STARD13: variants seen among roughly 807,000 people sequenced by gnomAD.
STARD13 encodes the protein stAR-related lipid transfer protein 13.
Under a neutral mutation model 106.4 loss-of-function variants are expected in STARD13, and 62 were observed. That is an observed-to-expected ratio of 0.58 (90% CI 0.48 to 0.72). The LOEUF (loss-of-function observed/expected upper bound fraction) is 0.72. Ranked by LOEUF, STARD13 falls within the 30% of genes least tolerant of loss-of-function variation. The pLI is 0.00. For synonymous variants in STARD13, 565 were observed against 553.0 expected (o/e 1.02, Z -0.31); for missense variants, 1,387 against 1,424.0 (o/e 0.97, Z 0.42).
At chr13:33,639,565 G>A in the STARD13 span, among the ~76,000 whole-genome samples, 2 of 152,198 alleles carry the variant, frequency 1.3e-5, no homozygotes, top group Non-Finnish European at 2.9e-5. Context: ...TTTCCCTGGT[G>A]TTAAATTATG....
the STARD13 span, among the ~76,000 whole-genome samples, chr13:33,454,490 T>TCACC: frequency 5.9e-5 from 9 of 152,224 alleles, no homozygotes. Context: ...TTTTGCTTTA[T>TCACC]CACCATAGGC....
the STARD13 span, among the ~76,000 whole-genome samples, chr13:33,579,673 T>G: frequency 6.7e-6 from 1 of 149,796 alleles, no homozygotes; most frequent in Non-Finnish European, 1.5e-5. Flanking sequence ...TATAAACATA[T>G]CTGATAAAGG....
chr13:33,406,208 G>C, the STARD13 span, among the ~76,000 whole-genome samples: 3 of 152,252 alleles, frequency 2.0e-5, no homozygotes, highest in East Asian at 1.9e-4. Context: ...GGCTAACAAG[G>C]GCTTTCTAAG....
the STARD13 span, among the ~76,000 whole-genome samples, chr13:33,621,838 C>T: frequency 1.1e-4 from 16 of 150,578 alleles, no homozygotes; most frequent in Non-Finnish European, 1.5e-4. Context: ...AAGTCTCGCT[C>T]TTGTCATCCA....
chr13:33,289,855 C>T (rs903231778), upstream of STARD13, among the ~76,000 whole-genome samples: 3 of 151,662 alleles, frequency 2.0e-5, no homozygotes, highest in South Asian at 2.1e-4. Context: ...CCCCACCCCC[C>T]CAACCCTCAA....
At chr13:33,259,205 T>A (rs1468526271) in intron 1 of STARD13, among the ~76,000 whole-genome samples, 1 of 152,210 alleles carries the variant, frequency 6.6e-6, no homozygotes, top group East Asian at 1.9e-4. Flanking sequence ...GCTGAATAAA[T>A]GTTGAATGAA....
At chr13:33,601,213 TG>T in the STARD13 span, among the ~76,000 whole-genome samples, 6 of 151,970 alleles carry the variant, frequency 3.9e-5, no homozygotes, top group South Asian at 2.1e-4. Flanking sequence ...AAAATGTTTT[TG>T]TTTTTTTTTT....
At chr13:33,333,202 C>T (rs545529506) in intron 1 of STARD13, among the ~76,000 whole-genome samples, 2 of 152,086 alleles carry the variant, frequency 1.3e-5, no homozygotes, top group East Asian at 3.9e-4. Flanking sequence ...CAAGCCTGGC[C>T]AACATGATGA....
At chr13:33,241,739 G>T (rs896725028) in intron 1 of STARD13, among the ~76,000 whole-genome samples, 1 of 152,098 alleles carries the variant, frequency 6.6e-6, no homozygotes, top group Admixed American at 6.5e-5. Context: ...ATGGGGTTTC[G>T]CAGTGTTGGC....
the STARD13 span, among the ~76,000 whole-genome samples, chr13:33,583,856 G>GT: frequency 0.95 from 143,063 of 150,172 alleles, 68,210 homozygotes; most frequent in Admixed American, 0.98. Context: ...GGCCTATAAT[G>GT]TTTTTTTTTT....
the STARD13 span, among the ~76,000 whole-genome samples, chr13:33,673,550 C>CTTTTTTTT: frequency 7.3e-6 from 1 of 137,180 alleles, no homozygotes; most frequent in African/African-American, 3.0e-5. Context: ...ACTATTAACT[C>CTTTTTTTT]TTTTTTTTTT....
chr13:33,520,705 T>C, the STARD13 span, among the ~76,000 whole-genome samples: 2 of 152,046 alleles, frequency 1.3e-5, no homozygotes, highest in African/African-American at 4.8e-5. Context: ...CCAAAAATCC[T>C]TGGAACTTCC....
At chr13:33,534,497 A>G in the STARD13 span, among the ~76,000 whole-genome samples, 1 of 152,244 alleles carries the variant, frequency 6.6e-6, no homozygotes. Context: ...CAACATTTTT[A>G]AAAAGGTCTC....
chr13:33,378,601 C>A, the STARD13 span, among the ~76,000 whole-genome samples: 1 of 151,956 alleles, frequency 6.6e-6, no homozygotes, highest in Non-Finnish European at 1.5e-5. Flanking sequence ...CCAGCCTGGC[C>A]AATATGGTGA....
At chr13:33,669,697 G>A in the STARD13 span, among the ~76,000 whole-genome samples, 59 of 151,782 alleles carry the variant, frequency 3.9e-4, 1 homozygote, top group Middle Eastern at 3.4e-3. Context: ...CACCGCACCC[G>A]GCTAACTTTT....
chr13:33,309,474 C>T (rs974364359), intron 1 of STARD13, among the ~76,000 whole-genome samples: 8 of 152,114 alleles, frequency 5.3e-5, no homozygotes, highest in Admixed American at 3.3e-4. Flanking sequence ...AGGTCAAGAT[C>T]AAGAGAAGGC....
the STARD13 span, among the ~76,000 whole-genome samples, chr13:33,601,672 G>T: frequency 6.6e-6 from 1 of 152,118 alleles, no homozygotes; most frequent in Non-Finnish European, 1.5e-5. Flanking sequence ...ACCAAGACTG[G>T]GATTAAACCT....
At chr13:33,576,264 C>T in the STARD13 span, among the ~76,000 whole-genome samples, 1 of 152,152 alleles carries the variant, frequency 6.6e-6, no homozygotes, top group Non-Finnish European at 1.5e-5. Context: ...GCTCTGTCAC[C>T]CAGGCTGCAG....
chr13:33,544,692 C>T, the STARD13 span, among the ~76,000 whole-genome samples: 1 of 151,662 alleles, frequency 6.6e-6, no homozygotes, highest in African/African-American at 2.4e-5. Flanking sequence ...TAGGCTAGTA[C>T]CATGTATTTG....
Sources: gnomAD v4.1 joint callset for allele counts (sites outside exome capture counted in the v4.1 genomes callset) on GRCh38, gnomAD v4.1.1 for gene constraint, MANE v1.5 for transcripts, NCBI Gene and HGNC (gene_info 2026-07-23, HGNC 2026-07-21) for gene names.